MAP7: variants seen among roughly 807,000 people sequenced by gnomAD.
MAP7 encodes the protein ensconsin.
Under a neutral mutation model 94.8 loss-of-function variants are expected in MAP7, and 52 were observed. The ratio of observed to expected loss-of-function variants is 0.55; its 90% CI spans 0.44 to 0.69. The LOEUF is 0.69. Ranked by LOEUF, MAP7 falls within the 30% of genes least tolerant of loss-of-function variation. The pLI is 0.00. For missense variants in MAP7, 940 were observed against 964.6 expected (o/e 0.97, Z 0.34); for synonymous variants, 350 against 357.0 (o/e 0.98, Z 0.22).
intron 1 of MAP7, among the ~76,000 whole-genome samples, chr6:136,456,909 A>C (rs1803436805): frequency 6.6e-6 from 1 of 151,830 alleles, no homozygotes; most frequent in African/African-American, 2.4e-5. Context: ...ATACCACCAA[A>C]GAGCAAGAAA....
chr6:136,449,002 T>TAA (rs748818487), intron 1 of MAP7, among the ~76,000 whole-genome samples: 1 of 67,752 alleles, frequency 1.5e-5, no homozygotes, highest in Non-Finnish European at 2.9e-5. Flanking sequence ...ACAGTGGTGT[T>TAA]AAAAAAAAAA....
In MAP7 at chr6:136,345,715, A is replaced by C. The variant is rs1448576394; in HGVS notation, c.2239+141T>G. 2.5e-5 allele frequency: 19 copies of C among 765,458 alleles called. No individual in the cohort carries two copies. In the East Asian group the frequency reaches 4.9e-4, roughly 20 times the overall value. 47.4% of individuals were successfully genotyped at this position (765,458 alleles called of 1,614,324 possible). A position where few individuals can be genotyped will look rare whatever the true frequency, so the allele number is the denominator to read the frequency against. ...AAAATTCAATTTCTATGAGCCAGGCACAATCTCTTCCACTGTGGCTTACTT... is the reference window on the plus strand; with the variant it reads ...AAAATTCAATTTCTATGAGCCAGGCCCAATCTCTTCCACTGTGGCTTACTT... On this transcript the variant is annotated intron_variant, in intron 17 of 17. Transcript: ENST00000354570.
At chr6:136,512,771 T>C (rs1213135128) in intron 1 of MAP7, among the ~76,000 whole-genome samples, 1 of 152,122 alleles carries the variant, frequency 6.6e-6, no homozygotes, top group Non-Finnish European at 1.5e-5. Flanking sequence ...TGCTTCCATG[T>C]TGATGGCTGC....
chr6:136,501,546 C>T (rs891322226), intron 1 of MAP7, among the ~76,000 whole-genome samples: 1 of 152,148 alleles, frequency 6.6e-6, no homozygotes, highest in Non-Finnish European at 1.5e-5. Context: ...TATTATAATG[C>T]TGGAAATGGA....
intron 2 of MAP7, among the ~76,000 whole-genome samples, chr6:136,421,024 G>C (rs1352340803): frequency 6.6e-6 from 1 of 152,126 alleles, no homozygotes; most frequent in Non-Finnish European, 1.5e-5. Flanking sequence ...TTATCATACT[G>C]TACATTCATT....
At position 136,451,066 on chromosome 6, in the gene MAP7, G is replaced by A. The variant is rs143400227; in HGVS notation, c.68-29267C>T. Among the ~76,000 whole-genome samples, 311 of 152,264 alleles carry A rather than the reference G, an allele frequency of 2.0e-3. 2 individuals are homozygous for A. The highest frequency in any genetic ancestry group is 6.9e-3 in the African/African-American group (285 of 41,542). On this transcript the variant is annotated intron_variant, in intron 1 of 17. Coordinates refer to ENST00000354570, the MANE Select transcript of MAP7 (RefSeq NM_003980.6). ...CATAAAGGGAATCTCCATTTGTAAAGGTGTCTCCATCTCTGTACCAGAAAG... is the reference window on the plus strand; with the variant it reads ...CATAAAGGGAATCTCCATTTGTAAAAGTGTCTCCATCTCTGTACCAGAAAG...
intron 3 of MAP7, among the ~76,000 whole-genome samples, chr6:136,393,745 C>T (rs1302586049): frequency 6.6e-6 from 1 of 151,866 alleles, no homozygotes; most frequent in Non-Finnish European, 1.5e-5. Context: ...AAGCAATCCT[C>T]CTGCCTCAGC....
intron 3 of MAP7, among the ~76,000 whole-genome samples, chr6:136,393,477 A>C (rs1781369896): frequency 6.6e-6 from 1 of 152,126 alleles, no homozygotes; most frequent in Admixed American, 6.5e-5. Context: ...TTGATTTTGG[A>C]TAAATCTCAC....
intron 1 of MAP7, among the ~76,000 whole-genome samples, chr6:136,489,589 G>A (rs531930344): frequency 2.8e-5 from 4 of 144,650 alleles, no homozygotes; most frequent in African/African-American, 7.8e-5. Flanking sequence ...GTGCAGTGGC[G>A]CAATCTGAGC....
chr6:136,364,240 C>T, intron 10 of MAP7: 1 of 543,026 alleles, frequency 1.8e-6, no homozygotes, highest in Non-Finnish European at 3.7e-6. Flanking sequence ...ATTAAAGCAG[C>T]TGGTGTAAAT....
chr6:136,502,853 C>T (rs1011366995), intron 1 of MAP7, among the ~76,000 whole-genome samples: 5 of 151,884 alleles, frequency 3.3e-5, no homozygotes, highest in Admixed American at 6.6e-5. Context: ...AAGTAACTTT[C>T]TTTTTCCAGG....
At chr6:136,417,093 T>C (rs1334262987) in intron 2 of MAP7, among the ~76,000 whole-genome samples, 1 of 152,222 alleles carries the variant, frequency 6.6e-6, no homozygotes, top group Non-Finnish European at 1.5e-5. Context: ...CACTCCAGCC[T>C]GGGCGACGGA....
chr6:136,531,968 A>G (rs1036871463), intron 1 of MAP7, among the ~76,000 whole-genome samples: 2 of 151,852 alleles, frequency 1.3e-5, no homozygotes, highest in African/African-American at 4.9e-5. Context: ...GAATGAAATA[A>G]TGAGCTATAC....
At position 136,449,551 on chromosome 6, in the gene MAP7, T is replaced by C. The variant is rs186168393; in HGVS notation, c.68-27752A>G. 2.0e-5 allele frequency among the ~76,000 whole-genome samples: 3 copies of C among 152,276 alleles called. No homozygotes were observed. In the East Asian group the frequency reaches 5.8e-4, roughly 29 times the overall value. Reference sequence around the variant, plus strand: ...GCCCGGCATTTGCCTTATTTGAACATGATTTGAACAGCTGGCTGCTGTGAT... The same window carrying C: ...GCCCGGCATTTGCCTTATTTGAACACGATTTGAACAGCTGGCTGCTGTGAT... On this transcript the variant is annotated intron_variant, in intron 1 of 17. Transcript: ENST00000354570.
intron 1 of MAP7, among the ~76,000 whole-genome samples, chr6:136,539,456 T>A (rs1308993213): frequency 6.6e-6 from 1 of 152,172 alleles, no homozygotes; most frequent in African/African-American, 2.4e-5. Context: ...AGTTTCCATA[T>A]AATCTTAAAG....
intron 6 of MAP7, among the ~76,000 whole-genome samples, chr6:136,381,561 G>A (rs527893840): frequency 6.6e-6 from 1 of 151,936 alleles, no homozygotes; most frequent in African/African-American, 2.4e-5. Context: ...GCCTTTCAGG[G>A]TTCTACTGAG....
intron 1 of MAP7, among the ~76,000 whole-genome samples, chr6:136,544,865 CG>C (rs1829598848): frequency 6.6e-6 from 1 of 152,068 alleles, no homozygotes; most frequent in Admixed American, 6.6e-5. Context: ...ACAGCTAAGC[CG>C]GGAGGATCAC....
At chr6:136,413,727 C>T (rs904026063) in intron 2 of MAP7, among the ~76,000 whole-genome samples, 5 of 152,120 alleles carry the variant, frequency 3.3e-5, no homozygotes, top group African/African-American at 4.8e-5. Flanking sequence ...ATCCTCCCAC[C>T]TCAGTCTCCT....
rs149720315 is a variant in MAP7 at position 136,360,351 on chromosome 6, G to A, written c.1804-320C>T. ...AGTAAAGACAGGGTTTCACCATGTT[G>A]GCCAGGCTGGTCTCGAACTCCTGAC... On this transcript the variant is annotated intron_variant, in intron 13 of 17. Transcript: ENST00000354570. 5.0e-3 allele frequency among the ~76,000 whole-genome samples: 761 copies of A among 152,176 alleles called. 9 individuals carry two copies. Among genetic ancestry groups the A allele is most frequent in the African/African-American group, 0.018 (730 of 41,518 alleles).
Sources: allele counts gnomAD v4.1 joint callset (sites outside exome capture counted in the v4.1 genomes callset), GRCh38; gene constraint gnomAD v4.1.1; transcripts MANE v1.5; gene names NCBI Gene and HGNC (gene_info 2026-07-23, HGNC 2026-07-21).